Variants in PALLD observed in about 807,000 individuals in gnomAD.
The protein encoded by PALLD is palladin, cytoskeletal associated protein, also known as palladin.
Under a neutral mutation model 123.5 loss-of-function variants are expected in PALLD, and 61 were observed. That is an observed-to-expected ratio of 0.49 (90% CI 0.40 to 0.61). The LOEUF (loss-of-function observed/expected upper bound fraction) is 0.61. PALLD is among the 20% of genes least tolerant of loss of function. The pLI, the probability that PALLD is intolerant of heterozygous loss-of-function variation, is 0.00. For missense variants in PALLD, 1,273 were observed against 1,377.0 expected, an observed-to-expected ratio of 0.92 and a Z score of 1.20; for synonymous variants, 465 against 496.4, an observed-to-expected ratio of 0.94 and a Z score of 0.84.
chr4:168,927,272 T>C lies in PALLD; in HGVS notation c.*1092T>C, dbSNP rs1762686199. The C allele has an allele frequency of 4.3e-6, 1 of 231,244 alleles. No homozygotes were observed. 14.3% of individuals were successfully genotyped at this position (231,244 alleles called of 1,614,324 possible). On this transcript the variant is annotated 3_prime_UTR_variant, in exon 22 of 22. Coordinates refer to ENST00000505667, the MANE Select transcript of PALLD (RefSeq NM_001166108.2). ...TATAGTGTGTTCATTTAGATAAAAGTAGAAGGCACAGGAGAGGTAGCAAAG... is the reference window on the plus strand; with the variant it reads ...TATAGTGTGTTCATTTAGATAAAAGCAGAAGGCACAGGAGAGGTAGCAAAG...
At chr4:168,721,728 G>A (rs1383621797) in intron 10 of PALLD, among the ~76,000 whole-genome samples, 1 of 152,118 alleles carries the variant, frequency 6.6e-6, no homozygotes, top group Non-Finnish European at 1.5e-5. Context: ...GATGCTTCTT[G>A]TTAAATAATA....
intron 10 of PALLD, among the ~76,000 whole-genome samples, chr4:168,817,359 T>A (rs1165512326): frequency 6.6e-6 from 1 of 152,234 alleles, no homozygotes; most frequent in Non-Finnish European, 1.5e-5. Flanking sequence ...AACAGAAATA[T>A]CTGGAAACCC....
At position 168,511,493 on chromosome 4, in the gene PALLD, G is replaced by A. The variant is rs1762524548; in HGVS notation, c.-12G>A. ...TGAAAGCAGACACAGAGTGCATGAA[G>A]ACCGTTCAAATATGTCAGGGACCTC... is the stretch of plus-strand genomic sequence containing the variant. On this transcript the variant is annotated 5_prime_UTR_variant, in exon 2 of 22. Coordinates refer to ENST00000505667, the MANE Select transcript of PALLD (RefSeq NM_001166108.2). 6.2e-7 allele frequency: 1 copy of A among 1,608,494 alleles called. No homozygotes were observed. Among genetic ancestry groups the A allele is most frequent in the Non-Finnish European group, 8.5e-7 (1 of 1,175,188 alleles).
chr4:168,614,428 G>T (rs543006881), intron 2 of PALLD, among the ~76,000 whole-genome samples: 1 of 152,082 alleles, frequency 6.6e-6, no homozygotes, highest in African/African-American at 2.4e-5. Context: ...TTTTGCCAAA[G>T]ATTTCTTTGT....
intron 10 of PALLD, among the ~76,000 whole-genome samples, chr4:168,796,639 G>A (rs991153232): frequency 6.6e-6 from 1 of 152,144 alleles, no homozygotes; most frequent in Non-Finnish European, 1.5e-5. Context: ...ACTGGTGGCT[G>A]ATAAGTATTC....
At chr4:168,704,314 T>C (rs35549639) in intron 8 of PALLD, among the ~76,000 whole-genome samples, 42,230 of 152,124 alleles carry the variant, frequency 0.28, 7,231 homozygotes, top group Non-Finnish European at 0.37. Flanking sequence ...ATTCATGACA[T>C]AGGCATGGAC....
chr4:168,866,622 C>T (rs1300413574), intron 10 of PALLD, among the ~76,000 whole-genome samples: 1 of 152,156 alleles, frequency 6.6e-6, no homozygotes. Context: ...ACCAACCATT[C>T]ATTAGTTTCT....
chr4:168,653,582 T>C (rs957122654), intron 2 of PALLD, among the ~76,000 whole-genome samples: 2 of 152,228 alleles, frequency 1.3e-5, no homozygotes, highest in African/African-American at 2.4e-5. Context: ...TATCTAGCTC[T>C]TCGGCTATAC....
chr4:168,817,566 C>T (rs1177671974), intron 10 of PALLD, among the ~76,000 whole-genome samples: 1 of 152,192 alleles, frequency 6.6e-6, no homozygotes, highest in African/African-American at 2.4e-5. Context: ...AATACCATCT[C>T]CCCAACTCTC....
chr4:168,544,793 C>G (rs965298241), intron 2 of PALLD, among the ~76,000 whole-genome samples: 3 of 152,212 alleles, frequency 2.0e-5, no homozygotes, highest in Non-Finnish European at 4.4e-5. Context: ...CCCACCCTAA[C>G]AGAAAGGGAC....
At chr4:168,565,023 CAAAAAAA>C (rs761594759) in intron 2 of PALLD, among the ~76,000 whole-genome samples, 408 of 116,038 alleles carry the variant, frequency 3.5e-3, no homozygotes, top group African/African-American at 6.0e-3. Context: ...CCATCTCTAC[CAAAAAAA>C]AAAAAAAAAA....
intron 10 of PALLD, among the ~76,000 whole-genome samples, chr4:168,774,691 G>A (rs1036073335): frequency 3.0e-5 from 4 of 135,132 alleles, no homozygotes; most frequent in Non-Finnish European, 6.1e-5. Flanking sequence ...TCATGCCACT[G>A]CACTCCAGCC....
chr4:168,545,749 T>G (rs1766077748), intron 2 of PALLD, among the ~76,000 whole-genome samples: 1 of 152,190 alleles, frequency 6.6e-6, no homozygotes, highest in African/African-American at 2.4e-5. Context: ...TACCAGTATT[T>G]ATTTACAATG....
chr4:168,783,318 G>T (rs1736217966), intron 10 of PALLD, among the ~76,000 whole-genome samples: 1 of 152,108 alleles, frequency 6.6e-6, no homozygotes, highest in Non-Finnish European at 1.5e-5. Context: ...GTATAAGAGA[G>T]CTAAGCAATA....
intron 16 of PALLD, 81 bp downstream of exon 16, chr4:168,914,102 G>A: frequency 2.3e-6 from 2 of 871,928 alleles, no homozygotes; most frequent in South Asian, 1.4e-5. Flanking sequence ...ATCATCATAT[G>A]ACCACAAAAG....
chr4:168,771,085 A>AAC (rs1734371734), intron 10 of PALLD, among the ~76,000 whole-genome samples: 1 of 149,606 alleles, frequency 6.7e-6, no homozygotes, highest in African/African-American at 2.5e-5. Flanking sequence ...ACAAAAAAAA[A>AAC]ACCTTAGTTT....
chr4:168,706,254 T>C (rs1179141749), intron 8 of PALLD, among the ~76,000 whole-genome samples: 1 of 152,150 alleles, frequency 6.6e-6, no homozygotes, highest in Non-Finnish European at 1.5e-5. Flanking sequence ...AATTTTGCAG[T>C]ATTTCTCCTA....
chr4:168,788,841 A>T (rs1041016589), intron 10 of PALLD, among the ~76,000 whole-genome samples: 7 of 152,198 alleles, frequency 4.6e-5, no homozygotes, highest in Non-Finnish European at 7.3e-5. Context: ...TAAATGAATT[A>T]AAAAATCTAT....
chr4:168,819,078 C>T (rs1581630879), intron 10 of PALLD, among the ~76,000 whole-genome samples: 2 of 152,166 alleles, frequency 1.3e-5, no homozygotes, highest in East Asian at 3.8e-4. Context: ...TCAGAAAGAA[C>T]TGAGGCTTCA....
Sources: allele counts gnomAD v4.1 joint callset (sites outside exome capture counted in the v4.1 genomes callset), GRCh38; gene constraint gnomAD v4.1.1; transcripts MANE v1.5; gene names NCBI Gene and HGNC (gene_info 2026-07-23, HGNC 2026-07-21).